The following CPNE9 variants were observed in gnomAD, a reference collection of about 807,000 sequenced individuals.
CPNE9 encodes copine-9.
CPNE9 carries 59 observed loss-of-function variants against 83.0 expected under a neutral mutation model. The ratio of observed to expected loss-of-function variants is 0.71; its 90% CI spans 0.58 to 0.88. The LOEUF (loss-of-function observed/expected upper bound fraction) is 0.88. Among genes scored for constraint, CPNE9 ranks in the 40% least tolerant of loss-of-function variants. CPNE9 has a pLI of 0.00. For synonymous variants in CPNE9, 256 were observed against 273.4 expected, an observed-to-expected ratio of 0.94 and a Z score of 0.63; for missense variants, 619 against 720.8, an observed-to-expected ratio of 0.86 and a Z score of 1.62.
chr3:9,704,109 C>T lies in CPNE9; in HGVS notation c.68+45C>T. On this transcript the variant is annotated intron_variant, in intron 1 of 20. Coordinates refer to ENST00000383832, the MANE Select transcript of CPNE9 (RefSeq NM_153635.3). This position sits in a 1 kb window ranked among gnomAD's most constrained non-coding sequence, Gnocchi z 7.1. ...GAGGGCTTAGGCACTGGCACTGCCC[C>T]AGCCCCAGCCAGCCGCGGGGCTCAG... 6.5e-7 allele frequency: 1 copy of T among 1,550,106 alleles called. No homozygotes were observed.
intron 8 of CPNE9, 32 bp downstream of exon 8, chr3:9,712,636 C>T (rs753570592): frequency 2.5e-6 from 4 of 1,608,912 alleles, no homozygotes; most frequent in South Asian, 1.1e-5. Flanking sequence ...GACCCAGGAG[C>T]TCCCTTCTCT....
chr3:9,704,560 C>T lies in CPNE9; in HGVS notation c.69-27C>T, dbSNP rs1559633527. ...GGCGGGCGGACTCCAGGATGATCCA[C>T]TCTGTCTGTCTGTTGCTTTTCTCTA... On this transcript the variant is annotated intron_variant, in intron 1 of 20. Coordinates refer to ENST00000383832, the MANE Select transcript of CPNE9 (RefSeq NM_153635.3). This position sits in a 1 kb window ranked among gnomAD's most constrained non-coding sequence, Gnocchi z 7.1. 1.9e-6 allele frequency: 3 copies of T among 1,606,466 alleles called. No homozygotes were observed. The highest frequency in any genetic ancestry group is 1.7e-4 in the Middle Eastern group (1 of 6,028).
At chr3:9,709,771 C>T (rs1208819491) in intron 7 of CPNE9, among the ~76,000 whole-genome samples, 1 of 151,770 alleles carries the variant, frequency 6.6e-6, no homozygotes, top group African/African-American at 2.4e-5. Context: ...AGGTGTATCA[C>T]CTGAGGTCAG....
intron 5 of CPNE9, 78 bp from the exon 6 acceptor site, chr3:9,705,640 C>T: frequency 6.3e-7 from 1 of 1,591,368 alleles, no homozygotes; most frequent in Non-Finnish European, 8.6e-7. Flanking sequence ...GGTCCCTCTC[C>T]TCCTGCCTGA....
chr3:9,724,591 C>T (rs1049114228), intron 17 of CPNE9, among the ~76,000 whole-genome samples: 1 of 152,174 alleles, frequency 6.6e-6, no homozygotes, highest in Non-Finnish European at 1.5e-5. Context: ...TCTTTAGTCC[C>T]ACTATAGCGC....
chr3:9,725,682 A>ATGTGTGTATATATG, intron 17 of CPNE9, among the ~76,000 whole-genome samples: 1 of 123,020 alleles, frequency 8.1e-6, no homozygotes, highest in South Asian at 2.5e-4. Flanking sequence ...ATGTGTATAT[A>ATGTGTGTATATATG]TATATACATA....
chr3:9,724,859 C>T (rs1352063806), intron 17 of CPNE9, among the ~76,000 whole-genome samples: 3 of 152,210 alleles, frequency 2.0e-5, no homozygotes, highest in Non-Finnish European at 4.4e-5. Flanking sequence ...TGGGTTCAAG[C>T]GGTTCTCCTG....
At position 9,703,909 on chromosome 3, in the gene CPNE9, A is replaced by C; in HGVS notation, c.-88A>C. On this transcript the variant is annotated 5_prime_UTR_variant, in exon 1 of 21. Coordinates refer to ENST00000383832, the MANE Select transcript of CPNE9 (RefSeq NM_153635.3). ...CCGCCGCCGCCGCCGACACCGCGGC[A>C]CATGGGCCGGCCCCGCCGCTGCCGT... is the stretch of plus-strand genomic sequence containing the variant. The C allele has an allele frequency of 2.6e-6, 3 of 1,136,652 alleles. No individual in the cohort carries two copies. Among genetic ancestry groups the C allele is most frequent in the Non-Finnish European group, 3.6e-6 (3 of 829,628 alleles). 70.4% of individuals were successfully genotyped at this position (1,136,652 alleles called of 1,614,324 possible).
chr3:9,714,918 G>A lies in CPNE9; in HGVS notation c.655G>A (p.Val219Met). The A allele has an allele frequency of 6.2e-7, 1 of 1,613,784 alleles. No individual in the cohort carries two copies. Among genetic ancestry groups the A allele is most frequent in the Non-Finnish European group, 8.5e-7 (1 of 1,179,750 alleles). ...ALCNGDYDRTVKIDVYDWDRD... is the reference protein window; with the variant it reads ...ALCNGDYDRTMKIDVYDWDRD... ...TGTTTATCTCCTACATTTCAGAACG[G>A]TGAAGATTGATGTGTACGACTGGGA... Residue 219 changes from valine (V) to methionine (M), a missense_variant, in exon 11 of 21, where the codon GTG becomes ATG. This residue lies in a region of CPNE9 where 438 missense variants were observed against 562.9 expected (regional missense o/e 0.78). Coordinates refer to ENST00000383832, the MANE Select transcript of CPNE9 (RefSeq NM_153635.3).
intron 9 of CPNE9, 51 bp downstream of exon 9, chr3:9,712,879 C>A: frequency 6.3e-7 from 1 of 1,577,920 alleles, no homozygotes; most frequent in Non-Finnish European, 8.7e-7. Context: ...ATGTGCTTAA[C>A]AAGTGGGGGA....
At chr3:9,729,221 C>A (rs541762172) in intron 20 of CPNE9, among the ~76,000 whole-genome samples, 5 of 152,272 alleles carry the variant, frequency 3.3e-5, no homozygotes, top group African/African-American at 1.2e-4. Flanking sequence ...CTAAAAATTA[C>A]TGTTCACTGG....
chr3:9,705,521 G>A (rs562477220), intron 5 of CPNE9, 21 bp downstream of exon 5: 3 of 1,608,038 alleles, frequency 1.9e-6, no homozygotes, highest in South Asian at 1.1e-5. Context: ...GTTTCCTCGA[G>A]GGTTGGCGGA....
At chr3:9,726,781 G>T (rs2076788650) in intron 19 of CPNE9, 59 bp downstream of exon 19, 37 of 1,508,904 alleles carry the variant, frequency 2.5e-5, no homozygotes, top group Non-Finnish European at 3.3e-5. Context: ...AGTGGGAGGG[G>T]GTCGGGTACT....
At chr3:9,728,330 T>TA (rs1319948286) in intron 20 of CPNE9, among the ~76,000 whole-genome samples, 1 of 151,926 alleles carries the variant, frequency 6.6e-6, no homozygotes, top group Non-Finnish European at 1.5e-5. Flanking sequence ...TCTGCTACAT[T>TA]AAAAAAATAA....
chr3:9,710,769 A>C lies in CPNE9; in HGVS notation c.378-1772A>C, dbSNP rs545117225. The stretch of plus-strand genomic sequence containing the variant: ...GATTGGGCCAGTGGCTCACGCCTGT[A>C]ATCAAAGCACTTTGGGAGGCTGAGG... On this transcript the variant is annotated intron_variant, in intron 7 of 20. Coordinates refer to ENST00000383832, the MANE Select transcript of CPNE9 (RefSeq NM_153635.3). Among the ~76,000 whole-genome samples, 2 of 152,356 alleles carry C rather than the reference A, an allele frequency of 1.3e-5. 1 individual carries two copies. The highest frequency in any genetic ancestry group is 4.8e-5 in the African/African-American group (2 of 41,578).
intron 17 of CPNE9, among the ~76,000 whole-genome samples, chr3:9,725,714 A>G (rs146287078): frequency 6.7e-6 from 1 of 148,290 alleles, no homozygotes; most frequent in Admixed American, 6.8e-5. Context: ...ATGTGTATAT[A>G]TGTGTATATG....
Position 9,713,838 on chromosome 3 carries a change from G to A in CPNE9, c.650+759G>A, listed in dbSNP as rs565525741. The stretch of plus-strand genomic sequence containing the variant: ...TGTAATCCCAGCACTTTGGGAGGCC[G>A]AGACGGGCAGATCACGAGGTCAGGA... On this transcript the variant is annotated intron_variant, in intron 10 of 20. Coordinates refer to ENST00000383832, the MANE Select transcript of CPNE9 (RefSeq NM_153635.3). Among the ~76,000 whole-genome samples, 586 of 152,150 alleles carry A rather than the reference G, an allele frequency of 3.9e-3. 4 individuals are homozygous for A. The highest frequency in any genetic ancestry group is 0.013 in the African/African-American group (556 of 41,490).
intron 8 of CPNE9, 60 bp downstream of exon 8, chr3:9,712,664 T>C: frequency 6.2e-7 from 1 of 1,607,558 alleles, no homozygotes; most frequent in Non-Finnish European, 8.5e-7. Flanking sequence ...AACCCTTTAA[T>C]GGACTGTCTG....
chr3:9,716,909 G>A, intron 14 of CPNE9, 149 bp from the exon 15 acceptor site: 1 of 754,290 alleles, frequency 1.3e-6, no homozygotes, highest in East Asian at 2.7e-5. Flanking sequence ...CATTACTTGG[G>A]AGTTTGTTAG....
Sources: allele counts gnomAD v4.1 joint callset (sites outside exome capture counted in the v4.1 genomes callset), GRCh38; gene constraint gnomAD v4.1.1; regional missense constraint gnomAD v4.1.1; non-coding constraint Gnocchi (gnomAD v3.1); transcripts MANE v1.5; gene names NCBI Gene and HGNC (gene_info 2026-07-23, HGNC 2026-07-21).